The following ACER1 variants were observed in gnomAD, a reference collection of about 807,000 sequenced individuals.
ACER1 encodes alkaline ceramidase 1.
ACER1 carries 28 observed loss-of-function variants against 24.9 expected under a neutral mutation model. The ratio of observed to expected loss-of-function variants is 1.13; its 90% CI spans 0.83 to 1.54. The LOEUF (loss-of-function observed/expected upper bound fraction) is 1.54. ACER1 is among the 40% of genes most tolerant of loss of function. The pLI is 0.00. For synonymous variants in ACER1, 132 were observed against 131.4 expected (o/e 1.00, Z -0.03); for missense variants, 352 against 349.3 (o/e 1.01, Z -0.06).
At chr19:6,338,363 T>C (rs1293555439), upstream of ACER1, among the ~76,000 whole-genome samples, 25 of 152,208 alleles carry the variant, frequency 1.6e-4, no homozygotes, top group Admixed American at 1.4e-3. Context: ...ATTGCATAGA[T>C]TTGCTCCCAT....
the ACER1 span, among the ~76,000 whole-genome samples, chr19:6,355,721 G>A: frequency 1.5e-4 from 20 of 132,996 alleles, 1 homozygote; most frequent in East Asian, 4.6e-4. Context: ...CCCTCTGCCC[G>A]GCCAGCCGCC....
Position 6,333,563 on chromosome 19 carries a change from G to A in ACER1, c.-12C>T. ...AAGATGCTAGGCATCTTGTCTCAGT[G>A]GCCACCACCAGCCGGCTGCGCCCGG... On this transcript the variant is annotated 5_prime_UTR_variant, in exon 1 of 6. Transcript: ENST00000301452. 6.4e-7 allele frequency: 1 copy of A among 1,569,410 alleles called. No individual in the cohort carries two copies. The highest frequency in any genetic ancestry group is 8.7e-7 in the Non-Finnish European group (1 of 1,156,000).
chr19:6,337,898 C>T (rs1279629125), upstream of ACER1, among the ~76,000 whole-genome samples: 3 of 150,552 alleles, frequency 2.0e-5, no homozygotes, highest in African/African-American at 4.9e-5. Flanking sequence ...AGGATGGTCT[C>T]GATCTCCCGA....
intron 1 of ACER1, among the ~76,000 whole-genome samples, chr19:6,321,831 C>G (rs7359888): frequency 0.013 from 1,963 of 151,962 alleles, 46 homozygotes; most frequent in African/African-American, 0.045. Context: ...AGGCTGGTCT[C>G]GAACTCCTGA....
intron 1 of ACER1, among the ~76,000 whole-genome samples, chr19:6,325,000 C>G (rs2091653986): frequency 6.6e-6 from 1 of 152,116 alleles, no homozygotes; most frequent in African/African-American, 2.4e-5. Flanking sequence ...CAGGAGCAAA[C>G]TGACGGAGCC....
At chr19:6,328,964 T>C (rs2091674861) in intron 1 of ACER1, among the ~76,000 whole-genome samples, 2 of 151,856 alleles carry the variant, frequency 1.3e-5, no homozygotes, top group Non-Finnish European at 2.9e-5. Context: ...TGTGAGCCAC[T>C]GTGCCCAGCA....
At chr19:6,315,379 T>G (rs2091598523) in intron 1 of ACER1, among the ~76,000 whole-genome samples, 1 of 151,180 alleles carries the variant, frequency 6.6e-6, no homozygotes, top group Non-Finnish European at 1.5e-5. Flanking sequence ...AATTTTTGTT[T>G]TGTTTTGTTT....
chr19:6,310,532 G>A (rs1019410136), intron 3 of ACER1, among the ~76,000 whole-genome samples: 3 of 151,736 alleles, frequency 2.0e-5, no homozygotes, highest in Non-Finnish European at 2.9e-5. Flanking sequence ...ATCACGCCAC[G>A]GCACTCCAGC....
chr19:6,331,769 A>G (rs112788720), intron 1 of ACER1, among the ~76,000 whole-genome samples: 7,531 of 151,506 alleles, frequency 0.05, 282 homozygotes, highest in African/African-American at 0.11. Context: ...ATTCCAGCCT[A>G]GGTGACAAAG....
upstream of ACER1, among the ~76,000 whole-genome samples, chr19:6,338,415 G>A (rs1311822288): frequency 6.6e-6 from 1 of 152,198 alleles, no homozygotes; most frequent in African/African-American, 2.4e-5. Flanking sequence ...ACACATGAAT[G>A]CATGGGAAAA....
chr19:6,358,720 G>A, the ACER1 span, among the ~76,000 whole-genome samples: 6 of 151,760 alleles, frequency 4.0e-5, no homozygotes, highest in African/African-American at 1.5e-4. Context: ...GATCACCTGA[G>A]GTCGCGAGTT....
chr19:6,342,143 T>C, the ACER1 span, among the ~76,000 whole-genome samples: 1 of 152,182 alleles, frequency 6.6e-6, no homozygotes, highest in Admixed American at 6.6e-5. Context: ...AAGGACATTA[T>C]TGGGTAATTG....
chr19:6,333,379 TC>T, intron 1 of ACER1, 79 bp downstream of exon 1: 2 of 1,215,398 alleles, frequency 1.6e-6, no homozygotes, highest in East Asian at 2.8e-5. Context: ...CCAGCAAGAT[TC>T]CCCAGTAAGG....
chr19:6,334,083 T>C (rs28583032), upstream of ACER1, among the ~76,000 whole-genome samples: 7,477 of 151,526 alleles, frequency 0.049, 282 homozygotes, highest in African/African-American at 0.11. Flanking sequence ...GTCGCTCTGT[T>C]GCCCAGGCTG....
the ACER1 span, among the ~76,000 whole-genome samples, chr19:6,338,815 T>A: frequency 2.6e-5 from 4 of 152,068 alleles, no homozygotes; most frequent in Non-Finnish European, 5.9e-5. Context: ...GCTCAAGCGA[T>A]CCTTCCACCT....
At chr19:6,345,659 G>T in the ACER1 span, among the ~76,000 whole-genome samples, 2 of 151,260 alleles carry the variant, frequency 1.3e-5, no homozygotes, top group African/African-American at 4.9e-5. Context: ...CGGCCTCCTG[G>T]GTTCAAGCGA....
upstream of ACER1, among the ~76,000 whole-genome samples, chr19:6,334,537 G>A (rs566322697): frequency 1.4e-4 from 21 of 152,130 alleles, 1 homozygote; most frequent in African/African-American, 4.3e-4. Flanking sequence ...AGTAGAGATA[G>A]GATTTCACCA....
chr19:6,307,594 G>A (rs975913805), intron 4 of ACER1, among the ~76,000 whole-genome samples: 2 of 150,980 alleles, frequency 1.3e-5, no homozygotes, highest in African/African-American at 4.9e-5. Context: ...GACCAGCCTG[G>A]GCAAAATAGC....
chr19:6,357,042 CTTTT>C, the ACER1 span, among the ~76,000 whole-genome samples: 8 of 124,494 alleles, frequency 6.4e-5, no homozygotes, highest in Admixed American at 5.0e-4. Context: ...TGAGCTGAGA[CTTTT>C]TTTTTTTTTT....
Sources: allele counts gnomAD v4.1 joint callset (sites outside exome capture counted in the v4.1 genomes callset), GRCh38; gene constraint gnomAD v4.1.1; transcripts MANE v1.5; gene names NCBI Gene and HGNC (gene_info 2026-07-23, HGNC 2026-07-21).